AKAP13: variants seen among roughly 807,000 people sequenced by gnomAD.
The protein encoded by AKAP13 is A-kinase anchor protein 13.
AKAP13 carries 80 observed loss-of-function variants against 264.5 expected under a neutral mutation model. The ratio of observed to expected loss-of-function variants is 0.30; its 90% CI spans 0.25 to 0.36. The LOEUF (loss-of-function observed/expected upper bound fraction) is 0.36. AKAP13 is among the 10% of genes least tolerant of loss of function. The probability of loss-of-function intolerance (pLI) is 1.00; values close to 1 mark genes in which losing one functional copy is unlikely to be tolerated. For missense variants in AKAP13, 3,712 were observed against 3,435.2 expected, an observed-to-expected ratio of 1.08 and a Z score of -2.01; for synonymous variants, 1,380 against 1,250.2, an observed-to-expected ratio of 1.10 and a Z score of -2.19.
intron 5 of AKAP13, among the ~76,000 whole-genome samples, chr15:85,567,876 T>G (rs892258729): frequency 7.2e-5 from 11 of 152,064 alleles, no homozygotes; most frequent in Non-Finnish European, 1.0e-4. Flanking sequence ...ACACCTAATA[T>G]GGAGCTTCTG....
chr15:85,646,014 T>G, intron 10 of AKAP13, 60 bp downstream of exon 10: 13 of 1,574,070 alleles, frequency 8.3e-6, no homozygotes, highest in Non-Finnish European at 1.1e-5. Flanking sequence ...TATTTGGGCT[T>G]CCCAAACTCT....
chr15:85,400,872 A>AT (rs762905776), intron 1 of AKAP13, among the ~76,000 whole-genome samples: 1 of 102,192 alleles, frequency 9.8e-6, no homozygotes, highest in African/African-American at 4.4e-5. Context: ...ATATATATAT[A>AT]TATTTTTTTT....
chr15:85,603,954 A>G (rs1016966808), intron 8 of AKAP13, among the ~76,000 whole-genome samples: 3 of 152,154 alleles, frequency 2.0e-5, no homozygotes, highest in Non-Finnish European at 4.4e-5. Context: ...TGCTTCAGCC[A>G]TGTTTTCATG....
chr15:85,473,907 A>C (rs2075057023), intron 1 of AKAP13, among the ~76,000 whole-genome samples: 1 of 152,228 alleles, frequency 6.6e-6, no homozygotes, highest in South Asian at 2.1e-4. Context: ...TAATCCAGTA[A>C]ACAGGCATAC....
At chr15:85,475,492 A>T (rs2075127438) in intron 1 of AKAP13, among the ~76,000 whole-genome samples, 1 of 152,196 alleles carries the variant, frequency 6.6e-6, no homozygotes. Context: ...AATTGAAATA[A>T]CATGTCCATG....
intron 1 of AKAP13, among the ~76,000 whole-genome samples, chr15:85,412,803 G>A (rs560888866): frequency 1.3e-3 from 193 of 152,302 alleles, no homozygotes; most frequent in Non-Finnish European, 2.3e-3. Context: ...AAAATAATTA[G>A]TATCTGCTTT....
At chr15:85,691,888 T>C in intron 16 of AKAP13, 1 of 486,360 alleles carries the variant, frequency 2.1e-6, no homozygotes, top group Non-Finnish European at 4.1e-6. Context: ...CGTAGGAAGC[T>C]TATCTTTCCA....
chr15:85,577,819 G>C (rs1471518590), intron 6 of AKAP13: 1 of 985,266 alleles, frequency 1.0e-6, no homozygotes, highest in Non-Finnish European at 1.2e-6. Flanking sequence ...TAACTCGATG[G>C]TTAAGTTAGA....
chr15:85,524,979 A>G (rs956947013), intron 3 of AKAP13, among the ~76,000 whole-genome samples: 1 of 151,988 alleles, frequency 6.6e-6, no homozygotes, highest in African/African-American at 2.4e-5. Flanking sequence ...TTTAAAAATA[A>G]AGTATTTTAA....
chr15:85,676,780 A>G (rs541008860), intron 14 of AKAP13, among the ~76,000 whole-genome samples: 6 of 152,336 alleles, frequency 3.9e-5, no homozygotes, highest in African/African-American at 7.2e-5. Context: ...TTATTAGCCA[A>G]ATTTTTTAGA....
At chr15:85,517,738 G>A (rs2076659582) in intron 2 of AKAP13, among the ~76,000 whole-genome samples, 1 of 152,092 alleles carries the variant, frequency 6.6e-6, no homozygotes, top group South Asian at 2.1e-4. Context: ...ATTTATATGG[G>A]GGTGGGGGGA....
At chr15:85,666,924 A>G (rs1215607668) in intron 13 of AKAP13, among the ~76,000 whole-genome samples, 1 of 152,150 alleles carries the variant, frequency 6.6e-6, no homozygotes, top group Non-Finnish European at 1.5e-5. Context: ...ATTTGCTTTT[A>G]TATCATTGTA....
At chr15:85,458,382 TTTTGTTTTTTG>T (rs2074361254) in intron 1 of AKAP13, among the ~76,000 whole-genome samples, 1 of 123,004 alleles carries the variant, frequency 8.1e-6, no homozygotes, top group African/African-American at 4.2e-5. Context: ...TTTTTGTATT[TTTTGTTTTTTG>T]TTTTTTTTTT....
chr15:85,584,755 G>A (rs1456452208), intron 7 of AKAP13, among the ~76,000 whole-genome samples: 1 of 152,188 alleles, frequency 6.6e-6, no homozygotes, highest in Non-Finnish European at 1.5e-5. Flanking sequence ...ATTCTTTGGT[G>A]AAAGAAACTT....
intron 2 of AKAP13, among the ~76,000 whole-genome samples, chr15:85,508,153 T>TC (rs1425741605): frequency 6.6e-6 from 1 of 151,776 alleles, no homozygotes; most frequent in East Asian, 1.9e-4. Context: ...TTTTTTTTTT[T>TC]TTTTTTTGAG....
intron 1 of AKAP13, among the ~76,000 whole-genome samples, chr15:85,445,392 A>C (rs925376552): frequency 4.6e-5 from 7 of 152,204 alleles, no homozygotes; most frequent in Non-Finnish European, 8.8e-5. Flanking sequence ...GATATGTTCT[A>C]ATTCTTGAGA....
At position 85,746,293 on chromosome 15, in the gene AKAP13, G is replaced by A. The variant is rs183535481; in HGVS notation, c.*1616G>A. 1 of 152,388 alleles carries A rather than the reference G, an allele frequency of 6.6e-6. No individual in the cohort carries two copies. Among genetic ancestry groups the A allele is most frequent in the African/African-American group, 2.4e-5 (1 of 41,404 alleles). 9.4% of individuals were successfully genotyped at this position (152,388 alleles called of 1,614,324 possible). A position where few individuals can be genotyped will look rare whatever the true frequency, so the allele number is the denominator to read the frequency against. ...GTAGCCTACATTTGTTTTATTTATT[G>A]TATTTGTGTGTTTGTGTTTGTTTTT... is the stretch of plus-strand genomic sequence containing the variant. On this transcript the variant is annotated 3_prime_UTR_variant, in exon 37 of 37. Transcript: ENST00000394518.
At chr15:85,412,221 A>G (rs995036239) in intron 1 of AKAP13, among the ~76,000 whole-genome samples, 4 of 152,368 alleles carry the variant, frequency 2.6e-5, no homozygotes, top group East Asian at 1.9e-4. Flanking sequence ...CATTGTGACT[A>G]ACTCTTTAAG....
chr15:85,553,318 C>T (rs990347320), intron 5 of AKAP13, among the ~76,000 whole-genome samples: 1 of 152,060 alleles, frequency 6.6e-6, no homozygotes. Flanking sequence ...GAACTCCTGA[C>T]CTCAGGTGAT....
Sources: allele counts gnomAD v4.1 joint callset (sites outside exome capture counted in the v4.1 genomes callset), GRCh38; gene constraint gnomAD v4.1.1; transcripts MANE v1.5; gene names NCBI Gene and HGNC (gene_info 2026-07-23, HGNC 2026-07-21).